LUZP2: variants seen among roughly 807,000 people sequenced by gnomAD.
LUZP2 encodes leucine zipper protein 2.
LUZP2 carries 52 observed loss-of-function variants against 51.6 expected under a neutral mutation model. The ratio of observed to expected loss-of-function variants is 1.01; its 90% CI spans 0.81 to 1.27. LUZP2 has a LOEUF of 1.27. Ranked by LOEUF, LUZP2 falls within the 50% of genes most tolerant of loss-of-function variation. The pLI, the probability that LUZP2 is intolerant of heterozygous loss-of-function variation, is 0.00. For missense variants in LUZP2, 436 were observed against 395.4 expected, an observed-to-expected ratio of 1.10 and a Z score of -0.87; for synonymous variants, 154 against 137.3, an observed-to-expected ratio of 1.12 and a Z score of -0.85.
intron 1 of LUZP2, among the ~76,000 whole-genome samples, chr11:24,637,887 T>G (rs1855157939): frequency 6.6e-6 from 1 of 151,912 alleles, no homozygotes; most frequent in Admixed American, 6.6e-5. Context: ...GTGATCCCTG[T>G]GACCTACTTC....
intron 10 of LUZP2, among the ~76,000 whole-genome samples, chr11:25,051,411 T>C (rs1046311780): frequency 6.6e-6 from 1 of 152,172 alleles, no homozygotes; most frequent in South Asian, 2.1e-4. Flanking sequence ...ATTTAAAGCA[T>C]AATGTTAATA....
At chr11:24,854,708 C>T (rs1344973739) in intron 5 of LUZP2, among the ~76,000 whole-genome samples, 1 of 150,916 alleles carries the variant, frequency 6.6e-6, no homozygotes, top group African/African-American at 2.4e-5. Flanking sequence ...AGCTTGGCAT[C>T]TGCCCAAACA....
chr11:24,594,695 T>C (rs1358968047), intron 1 of LUZP2, among the ~76,000 whole-genome samples: 1 of 151,782 alleles, frequency 6.6e-6, no homozygotes, highest in African/African-American at 2.4e-5. Context: ...TATGGAAACA[T>C]TGGCCTTGAT....
At chr11:24,919,900 C>G (rs569516187) in intron 7 of LUZP2, among the ~76,000 whole-genome samples, 34 of 151,530 alleles carry the variant, frequency 2.2e-4, no homozygotes, top group African/African-American at 7.5e-4. Flanking sequence ...TTATTTTATA[C>G]TGGATGTTTT....
intron 5 of LUZP2, among the ~76,000 whole-genome samples, chr11:24,889,056 T>C (rs982315636): frequency 2.6e-5 from 4 of 152,156 alleles, no homozygotes; most frequent in African/African-American, 9.7e-5. Flanking sequence ...CACCATCCAA[T>C]TGAGAGGTAT....
intron 1 of LUZP2, among the ~76,000 whole-genome samples, chr11:24,694,646 C>T (rs12574706): frequency 0.18 from 27,561 of 151,834 alleles, 2,599 homozygotes; most frequent in East Asian, 0.32. Context: ...GCACTGTTCA[C>T]GGTAGCAAAG....
chr11:24,765,730 C>T (rs1280516189), intron 5 of LUZP2, among the ~76,000 whole-genome samples: 2 of 151,080 alleles, frequency 1.3e-5, no homozygotes, highest in African/African-American at 4.9e-5. Flanking sequence ...CAGGTTCACA[C>T]CATTCTCTGG....
chr11:24,826,147 G>C (rs1429776650), intron 5 of LUZP2, among the ~76,000 whole-genome samples: 1 of 129,742 alleles, frequency 7.7e-6, no homozygotes, highest in Non-Finnish European at 1.5e-5. Context: ...CTGCACTCCA[G>C]CCTAGGCGAC....
chr11:24,593,769 C>T (rs943978664), intron 1 of LUZP2, among the ~76,000 whole-genome samples: 3 of 152,174 alleles, frequency 2.0e-5, no homozygotes, highest in Non-Finnish European at 1.5e-5. Flanking sequence ...TATGACATGA[C>T]ATCTCTTCTG....
At chr11:24,646,341 T>C (rs1855461863) in intron 1 of LUZP2, among the ~76,000 whole-genome samples, 1 of 152,118 alleles carries the variant, frequency 6.6e-6, no homozygotes, top group African/African-American at 2.4e-5. Flanking sequence ...GAGTTTTAAA[T>C]TTAATATCAA....
intron 1 of LUZP2, among the ~76,000 whole-genome samples, chr11:24,498,551 T>C (rs943132375): frequency 6.6e-6 from 1 of 152,166 alleles, no homozygotes; most frequent in Non-Finnish European, 1.5e-5. Context: ...TAAAATGAAA[T>C]GTAAGTTTGA....
chr11:24,636,016 C>G (rs1459662111), intron 1 of LUZP2, among the ~76,000 whole-genome samples: 1 of 152,156 alleles, frequency 6.6e-6, no homozygotes, highest in Non-Finnish European at 1.5e-5. Flanking sequence ...GCAATCTACT[C>G]TGGAACTTCT....
chr11:25,010,952 G>A (rs1856967351), intron 9 of LUZP2, among the ~76,000 whole-genome samples: 1 of 152,088 alleles, frequency 6.6e-6, no homozygotes, highest in African/African-American at 2.4e-5. Context: ...CAATTAATAG[G>A]AGCTTCTTAT....
chr11:24,802,002 G>C (rs1849712252), intron 5 of LUZP2, among the ~76,000 whole-genome samples: 1 of 151,722 alleles, frequency 6.6e-6, no homozygotes, highest in Non-Finnish European at 1.5e-5. Context: ...TGAAACTGAG[G>C]ACACTCATGT....
chr11:24,688,573 G>GA (rs1239347907), intron 1 of LUZP2, among the ~76,000 whole-genome samples: 5 of 107,962 alleles, frequency 4.6e-5, no homozygotes, highest in African/African-American at 1.6e-4. Context: ...CCAACTCCCA[G>GA]GTATGACCTT....
chr11:24,579,707 AGT>A (rs145093497), intron 1 of LUZP2, among the ~76,000 whole-genome samples: 2,597 of 152,202 alleles, frequency 0.017, 74 homozygotes, highest in African/African-American at 0.06. Context: ...ATTGAGCAGT[AGT>A]TAAGTGTCAT....
chr11:24,626,666 G>T (rs1001361989), intron 1 of LUZP2, among the ~76,000 whole-genome samples: 1 of 152,152 alleles, frequency 6.6e-6, no homozygotes, highest in African/African-American at 2.4e-5. Context: ...CCAATTGTTT[G>T]TAAGGAAAAT....
At chr11:24,818,586 A>T (rs905644150) in intron 5 of LUZP2, among the ~76,000 whole-genome samples, 2 of 152,108 alleles carry the variant, frequency 1.3e-5, no homozygotes, top group Admixed American at 6.6e-5. Context: ...TAAAAAAGTC[A>T]GAAGTTTGCA....
At chr11:24,561,133 C>T (rs868709472) in intron 1 of LUZP2, among the ~76,000 whole-genome samples, 1 of 152,142 alleles carries the variant, frequency 6.6e-6, no homozygotes, top group Non-Finnish European at 1.5e-5. Flanking sequence ...AGGTACTGTG[C>T]TAGACTCTGG....
Sources: gnomAD v4.1 joint callset for allele counts (sites outside exome capture counted in the v4.1 genomes callset) on GRCh38, gnomAD v4.1.1 for gene constraint, MANE v1.5 for transcripts, NCBI Gene and HGNC (gene_info 2026-07-23, HGNC 2026-07-21) for gene names.